The following SLC2A13 variants were observed in gnomAD, a reference collection of about 807,000 sequenced individuals.
SLC2A13 encodes solute carrier family 2 member 13, also known as proton myo-inositol cotransporter.
A neutral mutation model predicts 64.4 loss-of-function variants in SLC2A13; 32 were observed. The observed-to-expected ratio is 0.50, with a 90% CI of 0.37 to 0.67. SLC2A13 has a LOEUF of 0.67. SLC2A13 is among the 30% of genes least tolerant of loss of function. The pLI is 0.00. For missense variants in SLC2A13, 743 were observed against 829.2 expected (o/e 0.90, Z 1.28); for synonymous variants, 338 against 327.1 (o/e 1.03, Z -0.36).
chr12:39,896,029 T>C (rs1179644970), intron 4 of SLC2A13, among the ~76,000 whole-genome samples: 1 of 130,972 alleles, frequency 7.6e-6, no homozygotes, highest in East Asian at 2.8e-4. Flanking sequence ...TATACATACA[T>C]GCATATGTTT....
intron 1 of SLC2A13, among the ~76,000 whole-genome samples, chr12:40,100,592 T>A (rs1939110850): frequency 6.6e-6 from 1 of 152,160 alleles, no homozygotes; most frequent in South Asian, 2.1e-4. Flanking sequence ...TAACCACACT[T>A]CAAAACCTTG....
At chr12:40,059,091 T>C (rs1300599836) in intron 1 of SLC2A13, among the ~76,000 whole-genome samples, 1 of 152,212 alleles carries the variant, frequency 6.6e-6, no homozygotes, top group East Asian at 1.9e-4. Flanking sequence ...TCTGAGACAC[T>C]GACACAGCCA....
intron 3 of SLC2A13, among the ~76,000 whole-genome samples, chr12:39,968,104 G>T (rs1003449924): frequency 2.0e-5 from 3 of 152,146 alleles, no homozygotes; most frequent in Non-Finnish European, 2.9e-5. Context: ...CCGAGATTGG[G>T]TAATTTCTAA....
At chr12:40,062,550 A>T (rs1279550506) in intron 1 of SLC2A13, among the ~76,000 whole-genome samples, 2 of 152,092 alleles carry the variant, frequency 1.3e-5, no homozygotes, top group Non-Finnish European at 2.9e-5. Flanking sequence ...TAAAACATCA[A>T]CTCTCTAAGA....
chr12:40,023,487 C>T (rs1019372729), intron 3 of SLC2A13, among the ~76,000 whole-genome samples: 3 of 152,160 alleles, frequency 2.0e-5, no homozygotes, highest in Non-Finnish European at 4.4e-5. Flanking sequence ...CAAATAAGTG[C>T]TATCAAACAA....
chr12:39,931,319 C>T (rs1323144835), intron 4 of SLC2A13, among the ~76,000 whole-genome samples: 1 of 152,174 alleles, frequency 6.6e-6, no homozygotes, highest in Non-Finnish European at 1.5e-5. Flanking sequence ...ACTACTAATG[C>T]CTGCTACTAA....
chr12:39,896,511 T>C (rs1026183706), intron 4 of SLC2A13, among the ~76,000 whole-genome samples: 4 of 147,650 alleles, frequency 2.7e-5, no homozygotes. Context: ...TGTATGTACA[T>C]GTGTGTATAC....
At chr12:39,928,337 T>A (rs910475426) in intron 4 of SLC2A13, among the ~76,000 whole-genome samples, 4 of 152,154 alleles carry the variant, frequency 2.6e-5, no homozygotes, top group Admixed American at 6.5e-5. Context: ...TTCCTTCTAA[T>A]ATGCAAATGT....
chr12:39,995,656 G>A (rs2136173197), intron 3 of SLC2A13, among the ~76,000 whole-genome samples: 1 of 152,278 alleles, frequency 6.6e-6, no homozygotes, highest in East Asian at 1.9e-4. Flanking sequence ...ATGTAGCTTT[G>A]ACATCTGATA....
intron 3 of SLC2A13, among the ~76,000 whole-genome samples, chr12:39,991,717 T>A (rs1430558565): frequency 6.6e-6 from 1 of 152,192 alleles, no homozygotes; most frequent in Non-Finnish European, 1.5e-5. Context: ...CATCCTATTA[T>A]TTTTTCTTGT....
intron 3 of SLC2A13, among the ~76,000 whole-genome samples, chr12:40,027,014 A>G (rs887655680): frequency 6.6e-6 from 1 of 151,686 alleles, no homozygotes; most frequent in Admixed American, 6.6e-5. Flanking sequence ...CGGGAGGCGG[A>G]GGTTGCAGTG....
intron 3 of SLC2A13, among the ~76,000 whole-genome samples, chr12:39,966,116 T>A (rs1439220060): frequency 7.2e-6 from 1 of 138,198 alleles, no homozygotes; most frequent in African/African-American, 2.5e-5. Context: ...TATGTAGAGA[T>A]GTGTGTGTGT....
intron 9 of SLC2A13, among the ~76,000 whole-genome samples, chr12:39,764,049 C>T (rs1348277326): frequency 6.6e-6 from 1 of 152,128 alleles, no homozygotes; most frequent in Non-Finnish European, 1.5e-5. Flanking sequence ...AGATTCTGCT[C>T]TTGGACTGGA....
chr12:39,991,267 ATCTGGGTTAAAGCTTTTTCCT>A (rs1280513312), intron 3 of SLC2A13, among the ~76,000 whole-genome samples: 2 of 152,108 alleles, frequency 1.3e-5, no homozygotes, highest in African/African-American at 4.8e-5. Context: ...TCAATCTTAT[ATCTGGGTTAAAGCTTTTTCCT>A]TCATCTCAAA....
chr12:39,760,066 T>G lies in SLC2A13; in HGVS notation c.1907A>C (p.Asn636Thr), dbSNP rs773186486. The G allele has an allele frequency of 6.2e-7, 1 of 1,612,748 alleles. No homozygotes were observed. Among genetic ancestry groups the G allele is most frequent in the Non-Finnish European group, 8.5e-7 (1 of 1,179,212 alleles). ...YIEYIRVKGS[N>T]YHLSDNDASD... ...AGCATCATTGTCAGAAAGATGATAGTTACTTCCCTTTACCCGAATATATTC... is the reference window on the plus strand; with the variant it reads ...AGCATCATTGTCAGAAAGATGATAGGTACTTCCCTTTACCCGAATATATTC... The change falls in exon 10 of 10, where the codon AAC becomes ACC. Residue 636 changes from asparagine to threonine, a missense_variant. Coordinates refer to ENST00000280871, the MANE Select transcript of SLC2A13 (RefSeq NM_052885.4).
At chr12:39,830,277 T>G in intron 6 of SLC2A13, 49 bp from the exon 7 acceptor site, 1 of 1,593,146 alleles carries the variant, frequency 6.3e-7, no homozygotes, top group Non-Finnish European at 8.6e-7. Flanking sequence ...CAACTGGTGC[T>G]CACCATATAC....
At chr12:39,866,137 ATTAG>A (rs897984942) in intron 5 of SLC2A13, among the ~76,000 whole-genome samples, 10 of 152,252 alleles carry the variant, frequency 6.6e-5, no homozygotes, top group Admixed American at 4.6e-4. Flanking sequence ...TTAAGGTTTT[ATTAG>A]TTAAGCTTGG....
chr12:39,994,977 T>C (rs1479620369), intron 3 of SLC2A13, among the ~76,000 whole-genome samples: 1 of 152,190 alleles, frequency 6.6e-6, no homozygotes, highest in Non-Finnish European at 1.5e-5. Flanking sequence ...TAAAAAACAT[T>C]AATGGATAAG....
chr12:40,103,004 G>A (rs1202474505), intron 1 of SLC2A13, among the ~76,000 whole-genome samples: 1 of 152,150 alleles, frequency 6.6e-6, no homozygotes, highest in African/African-American at 2.4e-5. Flanking sequence ...TTACGAAACT[G>A]CCTCAGGGCT....
Sources: allele counts gnomAD v4.1 joint callset (sites outside exome capture counted in the v4.1 genomes callset), GRCh38; gene constraint gnomAD v4.1.1; transcripts MANE v1.5; gene names NCBI Gene and HGNC (gene_info 2026-07-23, HGNC 2026-07-21).